CADPS: variants seen among roughly 807,000 people sequenced by gnomAD.
The protein encoded by CADPS is calcium-dependent secretion activator 1.
A neutral mutation model predicts 167.3 loss-of-function variants in CADPS; 57 were observed. The observed-to-expected ratio is 0.34, with a 90% CI of 0.28 to 0.42. The LOEUF (loss-of-function observed/expected upper bound fraction) is 0.42, where lower values mean the gene tolerates loss of function less well. Among genes scored for constraint, CADPS ranks in the 20% least tolerant of loss-of-function variants. The pLI is 1.00. For missense variants in CADPS, 1,414 were observed against 1,738.1 expected, an observed-to-expected ratio of 0.81 and a Z score of 3.32; for synonymous variants, 676 against 635.3, an observed-to-expected ratio of 1.06 and a Z score of -0.96.
chr3:62,636,116 C>T (rs115514917), intron 6 of CADPS, among the ~76,000 whole-genome samples: 1 of 152,282 alleles, frequency 6.6e-6, no homozygotes, highest in African/African-American at 2.4e-5. Context: ...ACATCTCTTA[C>T]ATTTGTGCCA....
chr3:62,738,435 A>T (rs1031910354), intron 3 of CADPS, among the ~76,000 whole-genome samples: 10 of 151,910 alleles, frequency 6.6e-5, no homozygotes, highest in African/African-American at 2.2e-4. Context: ...CATTAAAAAA[A>T]AATTGATGCA....
In CADPS at chr3:62,759,724, A is replaced by T. The variant is rs188851117; in HGVS notation, c.556-5951T>A. On this transcript the variant is annotated intron_variant, in intron 2 of 29. Transcript: ENST00000383710. ...CCTGGAAAGATAGAAACCAAAGTTT[A>T]ATTTTGGTTATCTAGGATGATGGGA... Among the ~76,000 whole-genome samples, 932 of 152,314 alleles carry T rather than the reference A, an allele frequency of 6.1e-3. 7 individuals are homozygous for T. Among genetic ancestry groups the T allele is most frequent in the African/African-American group, 0.021 (873 of 41,548 alleles).
intron 1 of CADPS, among the ~76,000 whole-genome samples, chr3:62,791,021 T>C (rs1284438717): frequency 5.9e-5 from 9 of 151,994 alleles, no homozygotes; most frequent in Middle Eastern, 3.4e-3. Flanking sequence ...TACGTATTTA[T>C]CAGTATTCTT....
intron 18 of CADPS, among the ~76,000 whole-genome samples, chr3:62,494,094 T>C (rs540650061): frequency 1.1e-4 from 16 of 152,330 alleles, no homozygotes; most frequent in Admixed American, 8.5e-4. Flanking sequence ...CTTTAGAATT[T>C]CCTGAGAAAG....
In CADPS at chr3:62,458,225, C is replaced by G. The variant is rs998956089; in HGVS notation, c.3636+7142G>C. On this transcript the variant is annotated intron_variant, in intron 26 of 29. Transcript: ENST00000383710. The surrounding 1 kb of genome is among the most constrained non-coding windows in gnomAD (Gnocchi z 4.6). ...GTTATGAAAGGGCTACTGTTTATCT[C>G]TTATTAGCCCAGTGGCTCTCTGAGG... is the stretch of plus-strand genomic sequence containing the variant. Among the ~76,000 whole-genome samples, 8 of 152,126 alleles carry G rather than the reference C, an allele frequency of 5.3e-5. No homozygotes were observed. The highest frequency in any genetic ancestry group is 1.9e-4 in the African/African-American group (8 of 41,430).
intron 4 of CADPS, among the ~76,000 whole-genome samples, chr3:62,651,699 C>G (rs1335161540): frequency 6.6e-6 from 1 of 152,088 alleles, no homozygotes; most frequent in African/African-American, 2.4e-5. Flanking sequence ...TTTTTCCTTT[C>G]TTGCTTATAC....
In CADPS at chr3:62,403,199, C is replaced by G. The variant is rs377542140; in HGVS notation, c.3778-14G>C. ...GTTGTACCATTGCTGAAAAAAGAGA[C>G]AAAAGTTCTCCAGCCAACACATCAT... is the stretch of plus-strand genomic sequence containing the variant. On this transcript the variant is annotated splice_polypyrimidine_tract_variant and intron_variant, in intron 28 of 29. Transcript: ENST00000383710. The G allele has an allele frequency of 9.8e-4, 1,554 of 1,584,000 alleles. 1 individual carries two copies. Among genetic ancestry groups the G allele is most frequent in the Non-Finnish European group, 1.2e-3 (1,392 of 1,153,358 alleles).
intron 6 of CADPS, among the ~76,000 whole-genome samples, chr3:62,618,211 G>T (rs930147749): frequency 6.6e-6 from 1 of 152,140 alleles, no homozygotes; most frequent in Non-Finnish European, 1.5e-5. Flanking sequence ...TGAGGAGAAA[G>T]GCTACCTAAG....
At chr3:62,648,102 G>A (rs1311318027) in intron 5 of CADPS, among the ~76,000 whole-genome samples, 1 of 152,070 alleles carries the variant, frequency 6.6e-6, no homozygotes, top group Non-Finnish European at 1.5e-5. Context: ...ATCCTAGTCT[G>A]CCCTGATGAG....
intron 3 of CADPS, among the ~76,000 whole-genome samples, chr3:62,674,558 A>G (rs1004173672): frequency 5.3e-5 from 8 of 152,198 alleles, no homozygotes; most frequent in African/African-American, 1.7e-4. Context: ...TCCATAACCA[A>G]GTAGTTTTTT....
In CADPS at chr3:62,399,606, G is replaced by C; in HGVS notation, c.3883-21C>G. On this transcript the variant is annotated intron_variant, in intron 29 of 29. Coordinates refer to ENST00000383710, the MANE Select transcript of CADPS (RefSeq NM_003716.4). This position sits in a 1 kb window ranked among gnomAD's most constrained non-coding sequence, Gnocchi z 5.6. ...GTTTTCTAAGGAAGGAAAAGATACA[G>C]TGATAAGAGAGATCTCATCTCCATG... is the stretch of plus-strand genomic sequence containing the variant. The C allele has an allele frequency of 6.3e-7, 1 of 1,587,544 alleles. No homozygotes were observed.
intron 3 of CADPS, among the ~76,000 whole-genome samples, chr3:62,672,002 G>A (rs1008853194): frequency 8.6e-5 from 13 of 151,928 alleles, no homozygotes; most frequent in African/African-American, 2.4e-4. Flanking sequence ...GGATGGTCTC[G>A]ATCTCTTGAC....
At chr3:62,781,490 C>G (rs2091602120) in intron 1 of CADPS, among the ~76,000 whole-genome samples, 1 of 152,142 alleles carries the variant, frequency 6.6e-6, no homozygotes, top group South Asian at 2.1e-4. Flanking sequence ...GGGCCTCTGA[C>G]ACATCAGCAG....
intron 1 of CADPS, among the ~76,000 whole-genome samples, chr3:62,861,294 G>T (rs1014851769): frequency 3.9e-5 from 6 of 152,100 alleles, no homozygotes; most frequent in Non-Finnish European, 8.8e-5. Flanking sequence ...ATCGGTCACT[G>T]AAATTAAATA....
chr3:62,410,677 G>A (rs1236315819), intron 28 of CADPS, among the ~76,000 whole-genome samples: 2 of 152,180 alleles, frequency 1.3e-5, no homozygotes, highest in Non-Finnish European at 2.9e-5. Context: ...TTTAGGTGCT[G>A]AGTGCTTATA....
intron 28 of CADPS, among the ~76,000 whole-genome samples, chr3:62,431,053 A>C (rs563157130): frequency 6.6e-6 from 1 of 150,380 alleles, no homozygotes; most frequent in Non-Finnish European, 1.5e-5. Context: ...ATAATTGAGG[A>C]TAGAGATGAG....
At chr3:62,581,662 C>A (rs2083463330) in intron 8 of CADPS, among the ~76,000 whole-genome samples, 1 of 151,878 alleles carries the variant, frequency 6.6e-6, no homozygotes, top group Non-Finnish European at 1.5e-5. Flanking sequence ...GTCTGGGTCA[C>A]AGAGCAAGAC....
chr3:62,717,069 A>G (rs1192721256), intron 3 of CADPS, among the ~76,000 whole-genome samples: 2 of 152,188 alleles, frequency 1.3e-5, no homozygotes, highest in African/African-American at 4.8e-5. Context: ...TACATACTGG[A>G]ATAGATTGAT....
chr3:62,762,246 A>T (rs1349095197), intron 2 of CADPS, among the ~76,000 whole-genome samples: 1 of 152,220 alleles, frequency 6.6e-6, no homozygotes. Flanking sequence ...TACAAAATAT[A>T]AAAAATAAGA....
Sources: gnomAD v4.1 joint callset for allele counts (sites outside exome capture counted in the v4.1 genomes callset) on GRCh38, gnomAD v4.1.1 for gene constraint, Gnocchi (gnomAD v3.1) non-coding constraint, MANE v1.5 for transcripts, NCBI Gene and HGNC (gene_info 2026-07-23, HGNC 2026-07-21) for gene names.